The following TAS2R13 variants were observed in gnomAD, a reference collection of about 807,000 sequenced individuals.
The protein encoded by TAS2R13 is taste 2 receptor member 13.
For missense variants in TAS2R13, 384 were observed against 347.5 expected, an observed-to-expected ratio of 1.11 and a Z score of -0.84; for synonymous variants, 129 against 125.5, an observed-to-expected ratio of 1.03 and a Z score of -0.19.
Position 10,909,198 on chromosome 12 carries a change from T to A in TAS2R13, c.101A>T (p.Asp34Val), listed in dbSNP as rs1172657794. ...GGACAGCTCTCTTTTACTGACCCAG[T>A]CAATGCAGTTGATCAGTACTATAAA... Reference protein sequence around the residue: ...NGFIVLINCIDWVSKRELSSV... With the variant: ...NGFIVLINCIVWVSKRELSSV... Residue 34 changes from aspartate (D) to valine (V), a missense_variant, in exon 1 of 1, where the codon GAC becomes GTC. Physicochemically the swap from Asp to Val is radical, Grantham distance 152. Coordinates refer to ENST00000390677, the MANE Select transcript of TAS2R13 (RefSeq NM_023920.2). 1 of 1,613,830 alleles carries A rather than the reference T, an allele frequency of 6.2e-7. No individual in the cohort carries two copies. Among genetic ancestry groups the A allele is most frequent in the Non-Finnish European group, 8.5e-7 (1 of 1,179,848 alleles).
In TAS2R13 at chr12:10,908,637, T is replaced by A. The variant is rs747751631; in HGVS notation, c.662A>T (p.Asp221Val). 10 of 1,613,912 alleles carry A rather than the reference T, an allele frequency of 6.2e-6. No individual in the cohort carries two copies. The highest frequency in any genetic ancestry group is 3.3e-4 in the Middle Eastern group (2 of 6,082). ...KMQLNYKGHR[D>V]PRTKVHTNAL... ...ATTTGTATGGACCTTGGTCCTGGGG[T>A]CTCTGTGTCCTTTGTAATTGAGTTG... The change falls in exon 1 of 1, where the codon GAC (aspartate) becomes GTC (valine). Residue 221 changes from aspartate (D) to valine (V), a missense_variant. Asp to Val is a radical substitution (Grantham distance 152). Coordinates refer to ENST00000390677, the MANE Select transcript of TAS2R13 (RefSeq NM_023920.2).
At position 10,908,462 on chromosome 12, in the gene TAS2R13, A is replaced by G. The variant is rs1949838661; in HGVS notation, c.837T>C (p.Phe279=). ...ACTTAGCGTTTCCTAGAATCAGAAGAAAGGAGTGGCTTGAAGGAGAGAAGA... is the reference window on the plus strand; with the variant it reads ...ACTTAGCGTTTCCTAGAATCAGAAGGAAGGAGTGGCTTGAAGGAGAGAAGA... The part of the protein sequence containing the change: ...IGVFSPSSHS[F]LLILGNAKLR... The change falls in exon 1 of 1, where the codon TTT becomes TTC. Residue 279 remains phenylalanine, a synonymous_variant. Transcript: ENST00000390677. 3 of 1,613,834 alleles carry G rather than the reference A, an allele frequency of 1.9e-6. No individual in the cohort carries two copies. In the African/African-American group the frequency reaches 4.0e-5, roughly 22 times the overall value.
rs758842159 is a variant in TAS2R13 at position 10,908,485 on chromosome 12, A to G, written c.814T>C (p.Phe272Leu). Residue 272 changes from phenylalanine (F) to leucine (L), a missense_variant, in exon 1 of 1, where the codon TTC becomes CTC. By Grantham distance (22) the Phe-to-Leu change is conservative. Coordinates refer to ENST00000390677, the MANE Select transcript of TAS2R13 (RefSeq NM_023920.2). Reference protein sequence around the residue: ...IYMLCETIGVFSPSSHSFLLI... With the variant: ...IYMLCETIGVLSPSSHSFLLI... ...AGAAAGGAGTGGCTTGAAGGAGAGA[A>G]GACTCCAATCGTCTCACAAAGCATG... is the stretch of plus-strand genomic sequence containing the variant. 6.2e-7 allele frequency: 1 copy of G among 1,613,964 alleles called. No individual in the cohort carries two copies. The highest frequency in any genetic ancestry group is 1.1e-5 in the South Asian group (1 of 91,066).
In TAS2R13 at chr12:10,908,419, A is replaced by T; in HGVS notation, c.880T>A (p.Leu294Met). Residue 294 changes from leucine to methionine, a missense_variant, in exon 1 of 1, where the codon TTG becomes ATG. Coordinates refer to ENST00000390677, the MANE Select transcript of TAS2R13 (RefSeq NM_023920.2). The stretch of plus-strand genomic sequence containing the variant: ...TTAGCCCATACCTTAGCTGCCACCA[A>T]AAGAAAGGCCTGTCTTAACTTAGCG... Reference protein sequence around the residue: ...GNAKLRQAFLLVAAKVWAKR With the variant: ...GNAKLRQAFLMVAAKVWAKR The T allele has an allele frequency of 6.2e-7, 1 of 1,613,206 alleles. No individual in the cohort carries two copies. Among genetic ancestry groups the T allele is most frequent in the Non-Finnish European group, 8.5e-7 (1 of 1,179,772 alleles).
rs1395592083 is a variant in TAS2R13, at chr12:10,908,889, G to T, written c.410C>A (p.Thr137Asn). The T allele has an allele frequency of 4.3e-6, 7 of 1,612,854 alleles. No individual in the cohort carries two copies. The Admixed American group carries it at 5.0e-5, about 12-fold the overall frequency. The change falls in exon 1 of 1, where the codon ACC becomes AAC. Residue 137 changes from threonine (T) to asparagine (N), a missense_variant. By Grantham distance (65) the Thr-to-Asn change is moderately conservative. Coordinates refer to ENST00000390677, the MANE Select transcript of TAS2R13 (RefSeq NM_023920.2). ...CAGATTTAAAAATAAGAAGACCAAG[G>T]TTCCTAGCAGTATCATCAGAATCAC... ...NKVILMILLG[T>N]LVFLFLNLIQ...
chr12:10,908,951 G>A lies in TAS2R13; in HGVS notation c.348C>T (p.Ser116=). The A allele has an allele frequency of 6.2e-7, 1 of 1,613,454 alleles. No individual in the cohort carries two copies. The highest frequency in any genetic ancestry group is 8.5e-7 in the Non-Finnish European group (1 of 1,179,940). The change falls in exon 1 of 1, where the codon AGC becomes AGT. Residue 116 remains serine, a synonymous_variant. Transcript: ENST00000390677. ...TCCACTTCAAATAGAGAAAAGCAGGGCTAGAGAAACTCGCTATTTTGAGCA... is the reference window on the plus strand; with the variant it reads ...TCCACTTCAAATAGAGAAAAGCAGGACTAGAGAAACTCGCTATTTTGAGCA... The part of the protein sequence containing the change: ...FYLLKIASFS[S]PAFLYLKWRV...
chr12:10,909,229 T>C lies in TAS2R13; in HGVS notation c.70A>G (p.Asn24Asp), dbSNP rs1949858384. ...CAGTTGATCAGTACTATAAATCCAT[T>C]GCTCAAATTCCCAATTATGAATTCT... ...IAEFIIGNLS[N>D]GFIVLINCID... Residue 24 changes from asparagine to aspartate, a missense_variant, in exon 1 of 1, where the codon AAT becomes GAT. Coordinates refer to ENST00000390677, the MANE Select transcript of TAS2R13 (RefSeq NM_023920.2). The C allele has an allele frequency of 6.2e-7, 1 of 1,613,768 alleles. No individual in the cohort carries two copies. The highest frequency in any genetic ancestry group is 8.5e-7 in the Non-Finnish European group (1 of 1,179,838).
chr12:10,908,889 G>A lies in TAS2R13; in HGVS notation c.410C>T (p.Thr137Ile). The change falls in exon 1 of 1, where the codon ACC becomes ATC. Residue 137 changes from threonine (T) to isoleucine (I), a missense_variant. Physicochemically the swap from Thr to Ile is moderately conservative, Grantham distance 89. Transcript: ENST00000390677. ...NKVILMILLG[T>I]LVFLFLNLIQ... ...CAGATTTAAAAATAAGAAGACCAAG[G>A]TTCCTAGCAGTATCATCAGAATCAC... The A allele has an allele frequency of 3.7e-6, 6 of 1,612,854 alleles. No homozygotes were observed. The highest frequency in any genetic ancestry group is 5.1e-6 in the Non-Finnish European group (6 of 1,179,876).
Position 10,909,326 on chromosome 12 carries a change from A to T in TAS2R13, c.-28T>A. On this transcript the variant is annotated 5_prime_UTR_variant, in exon 1 of 1. Coordinates refer to ENST00000390677, the MANE Select transcript of TAS2R13 (RefSeq NM_023920.2). Reference sequence around the variant, plus strand: ...CAGAACAGAGAAAGTTCAATGTCTAATGTCACTGCTGGTTATTCACTGATC... The same window carrying T: ...CAGAACAGAGAAAGTTCAATGTCTATTGTCACTGCTGGTTATTCACTGATC... 6.6e-7 allele frequency: 1 copy of T among 1,507,078 alleles called. No individual in the cohort carries two copies. Among genetic ancestry groups the T allele is most frequent in the Non-Finnish European group, 9.2e-7 (1 of 1,089,946 alleles). The allele number at this position is 1,507,078 out of a possible 1,614,324, so 93.4% of individuals were successfully genotyped here.
At position 10,908,542 on chromosome 12, in the gene TAS2R13, T is replaced by G; in HGVS notation, c.757A>C (p.Ile253Leu). 1 of 1,613,876 alleles carries G rather than the reference T, an allele frequency of 6.2e-7. No individual in the cohort carries two copies. Among genetic ancestry groups the G allele is most frequent in the Non-Finnish European group, 8.5e-7 (1 of 1,179,952 alleles). Residue 253 changes from isoleucine (I) to leucine (L), a missense_variant, in exon 1 of 1, where the codon ATT becomes CTT. Coordinates refer to ENST00000390677, the MANE Select transcript of TAS2R13 (RefSeq NM_023920.2). ...SFFLCVLISW[I>L]SELYQNTVIY... Reference sequence around the variant, plus strand: ...ACTGTGTTCTGATACAGCTCAGAAATCCATGATATGAGAACACATAGAAAG... The same window carrying G: ...ACTGTGTTCTGATACAGCTCAGAAAGCCATGATATGAGAACACATAGAAAG...
rs2135823668 is a variant in TAS2R13, at chr12:10,908,781, T to C, written c.518A>G (p.Glu173Gly). ...TTWNFSMSDF[E>G]TFSVSVKFTM... ...GAATTTGACCGACACTGAAAATGTTTCAAAGTCACTCATACTGAAATTCCA... is the reference window on the plus strand; with the variant it reads ...GAATTTGACCGACACTGAAAATGTTCCAAAGTCACTCATACTGAAATTCCA... The change falls in exon 1 of 1, where the codon GAA becomes GGA. Residue 173 changes from glutamate (E) to glycine (G), a missense_variant. By Grantham distance (98) the Glu-to-Gly change is moderately conservative. Coordinates refer to ENST00000390677, the MANE Select transcript of TAS2R13 (RefSeq NM_023920.2). 6.2e-7 allele frequency: 1 copy of C among 1,613,992 alleles called. No individual in the cohort carries two copies. The highest frequency in any genetic ancestry group is 1.1e-5 in the South Asian group (1 of 91,078).
chr12:10,908,337 G>A lies in TAS2R13; in HGVS notation c.*50C>T, dbSNP rs1393993735. The A allele has an allele frequency of 2.0e-6, 3 of 1,511,414 alleles. No homozygotes were observed. The Admixed American group carries it at 6.2e-5, about 31-fold the overall frequency. The allele number at this position is 1,511,414 out of a possible 1,614,324, so 93.6% of individuals were successfully genotyped here. On this transcript the variant is annotated 3_prime_UTR_variant, in exon 1 of 1. Transcript: ENST00000390677. ...TCCTTGTAGACTCCTGTTTCTGTCT[G>A]CAATATTCAATAATCTGTGGTCTGA...
At chr12:10,909,005 C>T in the TAS2R13 span, 1 of 1,613,664 alleles carries the variant, frequency 6.2e-7, no homozygotes, top group Non-Finnish European at 8.5e-7. Context: ...TTGTAGCAAG[C>T]CAGAGATTGA....
chr12:10,908,361 G>C lies in TAS2R13; in HGVS notation c.*26C>G. The C allele has an allele frequency of 6.3e-7, 1 of 1,590,234 alleles. No homozygotes were observed. Among genetic ancestry groups the C allele is most frequent in the Non-Finnish European group, 8.6e-7 (1 of 1,169,346 alleles). On this transcript the variant is annotated 3_prime_UTR_variant, in exon 1 of 1. Transcript: ENST00000390677. ...TGCAATATTCAATAATCTGTGGTCT[G>C]AATGGCTTATGAAATTGTGAGTTTC...
the TAS2R13 span, chr12:10,909,089 CAG>C: frequency 2.5e-6 from 4 of 1,613,478 alleles, no homozygotes; most frequent in South Asian, 4.4e-5. Context: ...CTAGATAATG[CAG>C]AGCTAAAAAC....
In TAS2R13 at chr12:10,909,041, A is replaced by C. The variant is rs763548053; in HGVS notation, c.258T>G (p.Ile86Met). 1 of 1,613,698 alleles carries C rather than the reference A, an allele frequency of 6.2e-7. No homozygotes were observed. The highest frequency in any genetic ancestry group is 1.1e-5 in the South Asian group (1 of 91,056). ...FVSGTGLRIMIFSWIVSNHFN... is the reference protein window; with the variant it reads ...FVSGTGLRIMMFSWIVSNHFN... Reference sequence around the variant, plus strand: ...AGTGATTAGAAACTATCCAGCTAAAAATCATAATTCTTAATCCTGTTCCAG... The same window carrying C: ...AGTGATTAGAAACTATCCAGCTAAACATCATAATTCTTAATCCTGTTCCAG... The change falls in exon 1 of 1, where the codon ATT becomes ATG. Residue 86 changes from isoleucine to methionine, a missense_variant. By Grantham distance (10) the Ile-to-Met change is conservative. Transcript: ENST00000390677.
rs1949864731 is a variant in TAS2R13 at position 10,909,546 on chromosome 12, T to C, written c.-248A>G. On this transcript the variant is annotated 5_prime_UTR_variant, in exon 1 of 1. Transcript: ENST00000390677. Reference sequence around the variant, plus strand: ...CTGAGCCCTAGCTAAGATATTTATGTCTTCACCATGGGCAGAAATATTTCA... The same window carrying C: ...CTGAGCCCTAGCTAAGATATTTATGCCTTCACCATGGGCAGAAATATTTCA... The C allele has an allele frequency of 2.3e-6, 1 of 430,524 alleles. No individual in the cohort carries two copies. Among genetic ancestry groups the C allele is most frequent in the Non-Finnish European group, 4.2e-6 (1 of 238,962 alleles). The allele number at this position is 430,524 out of a possible 1,614,324, so 26.7% of individuals were successfully genotyped here.
chr12:10,908,879 G>A lies in TAS2R13; in HGVS notation c.420C>T (p.Phe140=). Residue 140 remains phenylalanine, a synonymous_variant, in exon 1 of 1, where the codon TTC becomes TTT. Coordinates refer to ENST00000390677, the MANE Select transcript of TAS2R13 (RefSeq NM_023920.2). ...TTATTTGTATCAGATTTAAAAATAA[G>A]AAGACCAAGGTTCCTAGCAGTATCA... is the stretch of plus-strand genomic sequence containing the variant. The part of the protein sequence containing the change: ...ILMILLGTLV[F]LFLNLIQINM... 1 of 1,612,798 alleles carries A rather than the reference G, an allele frequency of 6.2e-7. No homozygotes were observed. The highest frequency in any genetic ancestry group is 8.5e-7 in the Non-Finnish European group (1 of 1,179,754).
In TAS2R13 at chr12:10,908,811, G is replaced by T; in HGVS notation, c.488C>A (p.Thr163Lys). 2 of 1,613,862 alleles carry T rather than the reference G, an allele frequency of 1.2e-6. No individual in the cohort carries two copies. The highest frequency in any genetic ancestry group is 1.7e-6 in the Non-Finnish European group (2 of 1,179,934). The part of the protein sequence containing the change: ...KDWLDRYERN[T>K]TWNFSMSDFE... ...GTCACTCATACTGAAATTCCAAGTT[G>T]TGTTTCTTTCATATCGGTCCAGCCA... Residue 163 changes from threonine to lysine, a missense_variant, in exon 1 of 1, where the codon ACA (threonine) becomes AAA (lysine). Coordinates refer to ENST00000390677, the MANE Select transcript of TAS2R13 (RefSeq NM_023920.2).
Sources: allele counts gnomAD v4.1 joint callset, GRCh38; gene constraint gnomAD v4.1.1; transcripts MANE v1.5; gene names NCBI Gene and HGNC (gene_info 2026-07-23, HGNC 2026-07-21).